NFIB: variants seen among roughly 807,000 people sequenced by gnomAD.
NFIB encodes nuclear factor 1 B-type.
In NFIB, 11 loss-of-function variants were observed where a neutral mutation model predicts 61.5. The observed-to-expected ratio is 0.18, with a 90% CI of 0.11 to 0.30. NFIB has a LOEUF of 0.30. Ranked by LOEUF, NFIB falls within the 10% of genes least tolerant of loss-of-function variation. The pLI is 1.00. For synonymous variants in NFIB, 260 were observed against 216.5 expected, an observed-to-expected ratio of 1.20 and a Z score of -1.76; for missense variants, 471 against 608.9, an observed-to-expected ratio of 0.77 and a Z score of 2.38.
At chr9:14,190,448 T>C (rs987857055) in intron 2 of NFIB, among the ~76,000 whole-genome samples, 3 of 152,214 alleles carry the variant, frequency 2.0e-5, no homozygotes, top group African/African-American at 7.2e-5. Context: ...ATAAGTCATC[T>C]GATGAACAGG....
chr9:14,443,332 C>T, the NFIB span, among the ~76,000 whole-genome samples: 1 of 152,098 alleles, frequency 6.6e-6, no homozygotes, highest in Non-Finnish European at 1.5e-5. Flanking sequence ...TCATCTGAAG[C>T]TTCTCTCAAA....
At chr9:14,092,555 T>C (rs1166954118) in intron 10 of NFIB, among the ~76,000 whole-genome samples, 2 of 152,008 alleles carry the variant, frequency 1.3e-5, no homozygotes, top group Non-Finnish European at 1.5e-5. Flanking sequence ...TCAGATGACT[T>C]AACATAAGAA....
the NFIB span, among the ~76,000 whole-genome samples, chr9:14,479,490 G>C: frequency 6.6e-6 from 1 of 152,282 alleles, no homozygotes; most frequent in East Asian, 1.9e-4. Context: ...GAGGCTTAAT[G>C]CTAGAAGCTA....
intron 2 of NFIB, among the ~76,000 whole-genome samples, chr9:14,241,229 G>A (rs2054312432): frequency 1.3e-5 from 2 of 152,120 alleles, no homozygotes; most frequent in African/African-American, 2.4e-5. Flanking sequence ...TATGCATAAC[G>A]GACCAGGCCA....
At chr9:14,130,695 G>C (rs180811849) in intron 6 of NFIB, among the ~76,000 whole-genome samples, 85 of 152,142 alleles carry the variant, frequency 5.6e-4, no homozygotes, top group Non-Finnish European at 9.6e-4. Flanking sequence ...AAAAAAAGTA[G>C]AAATGAAAGA....
chr9:14,337,424 T>C (rs1159632449), intron 1 of NFIB, among the ~76,000 whole-genome samples: 6 of 152,170 alleles, frequency 3.9e-5, no homozygotes, highest in Non-Finnish European at 7.4e-5. Context: ...AAGGAAATGA[T>C]GGTGAGAAAA....
chr9:14,233,964 T>C (rs1016945812), intron 2 of NFIB, among the ~76,000 whole-genome samples: 2 of 152,224 alleles, frequency 1.3e-5, no homozygotes, highest in Non-Finnish European at 1.5e-5. Context: ...TACTTATAGA[T>C]GCTTTACTTA....
rs959111494 is a variant in NFIB, at chr9:14,385,264, T to C, written c.108+13260A>G. Among the ~76,000 whole-genome samples the C allele has an allele frequency of 3.9e-5, 6 of 152,182 alleles. No homozygotes were observed. In the South Asian group the frequency reaches 1.0e-3, roughly 26 times the overall value. ...GGAACTTAACCAAGATCAGGCCGCA[T>C]AGTAACTGGCAAACTTGGGACCCAA... On this transcript the variant is annotated intron_variant, in intron 1 of 8. Coordinates refer to the NFIB transcript ENST00000380934.
At chr9:14,468,172 C>A in the NFIB span, among the ~76,000 whole-genome samples, 1 of 152,180 alleles carries the variant, frequency 6.6e-6, no homozygotes, top group African/African-American at 2.4e-5. Context: ...ATGTTTGCTA[C>A]GAAGCATGAT....
intron 6 of NFIB, among the ~76,000 whole-genome samples, chr9:14,128,257 CTGTT>C (rs999247031): frequency 2.0e-5 from 3 of 152,118 alleles, no homozygotes; most frequent in Non-Finnish European, 4.4e-5. Context: ...TTAAAATTAA[CTGTT>C]TGAAAAAGAA....
intron 2 of NFIB, among the ~76,000 whole-genome samples, chr9:14,242,085 C>T (rs1056283619): frequency 1.3e-5 from 2 of 152,092 alleles, no homozygotes; most frequent in African/African-American, 4.8e-5. Context: ...CGACAGAGTC[C>T]ACATGTCTAT....
At chr9:14,156,256 G>C (rs980177545) in intron 3 of NFIB, among the ~76,000 whole-genome samples, 1 of 152,050 alleles carries the variant, frequency 6.6e-6, no homozygotes. Context: ...GAAAGAAAAA[G>C]GAAACCACAA....
intron 3 of NFIB, among the ~76,000 whole-genome samples, chr9:14,174,685 T>C (rs957908836): frequency 4.2e-4 from 63 of 149,430 alleles, no homozygotes; most frequent in African/African-American, 1.5e-3. Context: ...GAGAATTGCT[T>C]GAACCCGGGA....
chr9:14,426,165 C>A, the NFIB span, among the ~76,000 whole-genome samples: 16 of 139,752 alleles, frequency 1.1e-4, no homozygotes, highest in African/African-American at 3.9e-4. Flanking sequence ...TCTTAAATTT[C>A]TATGGCAATT....
At chr9:14,306,418 A>G (rs1187361952) in intron 2 of NFIB, among the ~76,000 whole-genome samples, 1 of 152,240 alleles carries the variant, frequency 6.6e-6, no homozygotes, top group Admixed American at 6.5e-5. Context: ...AAATATTAAA[A>G]TTAAGTAAAT....
chr9:14,412,699 T>C, the NFIB span, among the ~76,000 whole-genome samples: 7 of 152,120 alleles, frequency 4.6e-5, no homozygotes, highest in South Asian at 1.0e-3. Context: ...ATTTCTTCAA[T>C]GCCCCAGACC....
At chr9:14,110,753 G>A (rs1344496575) in intron 10 of NFIB, among the ~76,000 whole-genome samples, 2 of 151,940 alleles carry the variant, frequency 1.3e-5, no homozygotes, top group African/African-American at 4.8e-5. Flanking sequence ...AATTTGAAAG[G>A]CTAAAATGAA....
intron 4 of NFIB, among the ~76,000 whole-genome samples, chr9:14,153,005 T>A (rs1001142929): frequency 1.3e-5 from 2 of 152,004 alleles, no homozygotes; most frequent in Non-Finnish European, 2.9e-5. Context: ...TTACATATTT[T>A]AAAATAGCAA....
chr9:14,160,219 C>G (rs1420382289), intron 3 of NFIB, among the ~76,000 whole-genome samples: 3 of 151,976 alleles, frequency 2.0e-5, no homozygotes, highest in African/African-American at 4.8e-5. Flanking sequence ...TTTTATTTTT[C>G]TCTGACAAAA....
Sources: gnomAD v4.1 joint callset for allele counts (sites outside exome capture counted in the v4.1 genomes callset) on GRCh38, gnomAD v4.1.1 for gene constraint, MANE v1.5 for transcripts, NCBI Gene and HGNC (gene_info 2026-07-23, HGNC 2026-07-21) for gene names.